The following HDAC2 variants were observed in gnomAD, a reference collection of about 807,000 sequenced individuals.
HDAC2 encodes the protein histone deacetylase 2.
Under a neutral mutation model 68.5 loss-of-function variants are expected in HDAC2, and 5 were observed. The ratio of observed to expected loss-of-function variants is 0.07; its 90% confidence interval spans 0.04 to 0.15. The LOEUF (loss-of-function observed/expected upper bound fraction) is 0.15, where lower values mean the gene tolerates loss of function less well. Among genes scored for constraint, HDAC2 ranks in the 10% least tolerant of loss-of-function variants. The probability of loss-of-function intolerance (pLI) is 1.00; values close to 1 mark genes in which losing one functional copy is unlikely to be tolerated. For missense variants in HDAC2, 291 were observed against 600.8 expected (o/e 0.48, Z 5.39); for synonymous variants, 182 against 191.3 (o/e 0.95, Z 0.40).
chr6:113,971,107 T>TCGGA lies in HDAC2; in HGVS notation c.-203_-200dup. The TCGGA allele has an allele frequency of 6.5e-7, 1 of 1,540,684 alleles. No individual in the cohort carries two copies. Among genetic ancestry groups the TCGGA allele is most frequent in the Non-Finnish European group, 8.8e-7 (1 of 1,140,916 alleles). ...ACCACCCGGCAGAGGTGCCGAAAGC[T>TCGGA]CGGAATCGGAGGTGGCAGCGGCACC... On this transcript the variant is annotated 5_prime_UTR_variant, in exon 1 of 14. Transcript: ENST00000519065.
At chr6:113,953,627 T>A (rs755977913) in intron 5 of HDAC2, among the ~76,000 whole-genome samples, 4 of 152,202 alleles carry the variant, frequency 2.6e-5, no homozygotes, top group Non-Finnish European at 5.9e-5. Context: ...GGTTAAAAAA[T>A]ATATATTTAC....
chr6:113,970,620 G>GT, intron 1 of HDAC2: 2 of 1,333,670 alleles, frequency 1.5e-6, no homozygotes, highest in South Asian at 3.9e-5. Flanking sequence ...GCCGAAGGGG[G>GT]AGAGGCAGGA....
chr6:113,943,114 A>T (rs1486451892), intron 12 of HDAC2, among the ~76,000 whole-genome samples: 2 of 152,122 alleles, frequency 1.3e-5, no homozygotes, highest in Non-Finnish European at 2.9e-5. Flanking sequence ...ACTATTTTAA[A>T]CCTATGTTAT....
Position 113,940,838 on chromosome 6 carries a change from T to G in HDAC2, c.*220A>C. On this transcript the variant is annotated 3_prime_UTR_variant, in exon 14 of 14. Coordinates refer to ENST00000519065, the MANE Select transcript of HDAC2 (RefSeq NM_001527.4). ...AATAACTCACATCAATTTTAAATAC[T>G]ATCACATAAAGCATGGTGGAGAAAA... 1 of 425,974 alleles carries G rather than the reference T, an allele frequency of 2.3e-6. No homozygotes were observed. Among genetic ancestry groups the G allele is most frequent in the Non-Finnish European group, 4.2e-6 (1 of 240,194 alleles). 26.4% of individuals were successfully genotyped at this position (425,974 alleles called of 1,614,324 possible). A position where few individuals can be genotyped will look rare whatever the true frequency, so the allele number is the denominator to read the frequency against.
chr6:113,970,125 A>C (rs543595530), intron 1 of HDAC2: 1 of 152,294 alleles, frequency 6.6e-6, no homozygotes, highest in Admixed American at 6.5e-5. Flanking sequence ...TTCCATTTGA[A>C]TCCTGAGAAA....
intron 8 of HDAC2, chr6:113,947,052 C>T (rs1000074788): frequency 1.3e-5 from 2 of 152,102 alleles, no homozygotes; most frequent in African/African-American, 4.8e-5. Context: ...AAGCATTCTT[C>T]AATAGTTGCA....
At position 113,940,050 on chromosome 6, in the gene HDAC2, G is replaced by A. The variant is rs1168598702; in HGVS notation, c.*1008C>T. On this transcript the variant is annotated 3_prime_UTR_variant, in exon 14 of 14. Transcript: ENST00000519065. Reference sequence around the variant, plus strand: ...TGTTTTGTCTTCTTTGCACATCTTAGTAGCAGGAGTTACCCCCATTTGTCT... The same window carrying A: ...TGTTTTGTCTTCTTTGCACATCTTAATAGCAGGAGTTACCCCCATTTGTCT... 4 of 152,186 alleles carry A rather than the reference G, an allele frequency of 2.6e-5. No homozygotes were observed. Among genetic ancestry groups the A allele is most frequent in the Admixed American group, 2.0e-4 (3 of 15,278 alleles). 9.4% of individuals were successfully genotyped at this position (152,186 alleles called of 1,614,324 possible).
In HDAC2 at chr6:113,938,860, ATTGC is replaced by A. The variant is rs1489534145; in HGVS notation, c.*2194_*2197del. On this transcript the variant is annotated 3_prime_UTR_variant, in exon 14 of 14. Coordinates refer to ENST00000519065, the MANE Select transcript of HDAC2 (RefSeq NM_001527.4). ...TGCTGTACCAAATCACCTTGCTGAAATTGCTTTAGATAGTTCTCTTGAGGTTTTA... is the reference window on the plus strand; with the variant it reads ...TGCTGTACCAAATCACCTTGCTGAAATTTAGATAGTTCTCTTGAGGTTTTA... 3.3e-5 allele frequency: 5 copies of A among 152,142 alleles called. No homozygotes were observed. The highest frequency in any genetic ancestry group is 7.4e-5 in the Non-Finnish European group (5 of 68,022). The allele number at this position is 152,142 out of a possible 1,614,324, so 9.4% of individuals were successfully genotyped here. A position where few individuals can be genotyped will look rare whatever the true frequency, so the allele number is the denominator to read the frequency against.
chr6:113,944,437 G>A lies in HDAC2; in HGVS notation c.1092-27C>T, dbSNP rs780519196. The A allele has an allele frequency of 1.6e-5, 26 of 1,596,152 alleles. No individual in the cohort carries two copies. In the Admixed American group the frequency reaches 2.5e-4, roughly 15 times the overall value. On this transcript the variant is annotated intron_variant, in intron 10 of 13. Transcript: ENST00000519065. ...TAAATTACACATGCAAAGTTTATTA[G>A]ACAAAATTAAATTTCTTTGCAGTTC...
At chr6:113,970,612 C>G in intron 1 of HDAC2, 1 of 1,327,146 alleles carries the variant, frequency 7.5e-7, no homozygotes, top group Non-Finnish European at 9.6e-7. Flanking sequence ...ACTGCACGGC[C>G]GAAGGGGGAG....
intron 6 of HDAC2, among the ~76,000 whole-genome samples, chr6:113,952,816 T>C (rs930877921): frequency 6.6e-6 from 1 of 152,050 alleles, no homozygotes; most frequent in African/African-American, 2.4e-5. Context: ...TCTACCTAAA[T>C]ACATTACCAA....
intron 1 of HDAC2, among the ~76,000 whole-genome samples, chr6:113,963,642 T>C (rs986809174): frequency 2.6e-5 from 4 of 152,346 alleles, no homozygotes; most frequent in Non-Finnish European, 2.9e-5. Flanking sequence ...TTAGGGATGC[T>C]AACTGGTAAA....
At chr6:113,953,948 A>C (rs1345855007) in intron 5 of HDAC2, among the ~76,000 whole-genome samples, 1 of 152,264 alleles carries the variant, frequency 6.6e-6, no homozygotes, top group African/African-American at 2.4e-5. Flanking sequence ...CCATAAAAAA[A>C]GTTTTACTGA....
intron 1 of HDAC2, among the ~76,000 whole-genome samples, chr6:113,963,947 A>G (rs533082765): frequency 1.3e-5 from 2 of 152,292 alleles, no homozygotes; most frequent in African/African-American, 4.8e-5. Context: ...TTCAAATTAG[A>G]TATGTTTCAA....
chr6:113,947,288 A>G (rs1382640626), intron 8 of HDAC2: 2 of 152,186 alleles, frequency 1.3e-5, no homozygotes, highest in Non-Finnish European at 1.5e-5. Flanking sequence ...TAAAGGCCAA[A>G]ATTTGTAAAA....
At position 113,953,310 on chromosome 6, in the gene HDAC2, A is replaced by G. The variant is rs781224803; in HGVS notation, c.606T>C (p.Tyr202=). ...DRVMTVSFHK[Y]GEYFPGTGDL... The stretch of plus-strand genomic sequence containing the variant: ...CTCCTGTGCCAGGAAAGTATTCCCC[A>G]TATTTATGGAATGATACCGTCATTA... Residue 202 remains tyrosine (Y), a synonymous_variant, in exon 6 of 14, where the codon TAT becomes TAC. Coordinates refer to ENST00000519065, the MANE Select transcript of HDAC2 (RefSeq NM_001527.4). 5 of 1,610,750 alleles carry G rather than the reference A, an allele frequency of 3.1e-6. No homozygotes were observed. Among genetic ancestry groups the G allele is most frequent in the Non-Finnish European group, 4.2e-6 (5 of 1,177,380 alleles).
At chr6:113,969,439 G>A (rs1448094871) in intron 1 of HDAC2, among the ~76,000 whole-genome samples, 1 of 152,178 alleles carries the variant, frequency 6.6e-6, no homozygotes, top group Non-Finnish European at 1.5e-5. Flanking sequence ...ATTCTGAGCT[G>A]GTGCTCTGGG....
intron 3 of HDAC2, among the ~76,000 whole-genome samples, chr6:113,957,670 T>C (rs1776588743): frequency 6.6e-6 from 1 of 152,008 alleles, no homozygotes; most frequent in African/African-American, 2.4e-5. Flanking sequence ...ACTTTTTTAA[T>C]AGAGACAGGG....
intron 1 of HDAC2, among the ~76,000 whole-genome samples, chr6:113,964,362 A>T (rs1249492090): frequency 6.6e-6 from 1 of 152,280 alleles, no homozygotes; most frequent in East Asian, 1.9e-4. Flanking sequence ...TCTTTAATAC[A>T]TATTTCAAGG....
Sources: gnomAD v4.1 joint callset for allele counts (sites outside exome capture counted in the v4.1 genomes callset) on GRCh38, gnomAD v4.1.1 for gene constraint, MANE v1.5 for transcripts, NCBI Gene and HGNC (gene_info 2026-07-23, HGNC 2026-07-21) for gene names.